The following DYRK1A variants were observed in gnomAD, a reference collection of about 807,000 sequenced individuals.
DYRK1A encodes dual specificity tyrosine phosphorylation regulated kinase 1A.
A neutral mutation model predicts 79.7 loss-of-function variants in DYRK1A; 9 were observed. The observed-to-expected ratio is 0.11, with a 90% CI of 0.07 to 0.20. The LOEUF is 0.20. Ranked by LOEUF, DYRK1A falls within the 10% of genes least tolerant of loss-of-function variation. DYRK1A has a pLI of 1.00. For synonymous variants in DYRK1A, 349 were observed against 329.7 expected, an observed-to-expected ratio of 1.06 and a Z score of -0.63; for missense variants, 622 against 956.0, an observed-to-expected ratio of 0.65 and a Z score of 4.61.
intron 2 of DYRK1A, chr21:37,428,732 T>TA (rs2050694558): frequency 6.6e-6 from 1 of 152,154 alleles, no homozygotes; most frequent in Admixed American, 6.5e-5. Context: ...TGGCTTAGTG[T>TA]AAGAAGATTC....
intron 8 of DYRK1A, among the ~76,000 whole-genome samples, chr21:37,493,584 C>G (rs1028819911): frequency 7.9e-5 from 12 of 152,146 alleles, no homozygotes; most frequent in African/African-American, 2.2e-4. Context: ...GTAGAGTAAA[C>G]GAGATTATAG....
intron 1 of DYRK1A, among the ~76,000 whole-genome samples, chr21:37,392,254 A>G (rs935026007): frequency 3.3e-5 from 5 of 152,214 alleles, no homozygotes; most frequent in Non-Finnish European, 5.9e-5. Context: ...TGACGTACTC[A>G]TCTCAGATGT....
intron 7 of DYRK1A, among the ~76,000 whole-genome samples, chr21:37,491,488 C>G (rs1569378437): frequency 6.6e-6 from 1 of 152,078 alleles, no homozygotes; most frequent in African/African-American, 2.4e-5. Context: ...AATTTTCTGT[C>G]CCGTCCTACT....
chr21:37,377,532 G>C (rs2049571133), intron 1 of DYRK1A, among the ~76,000 whole-genome samples: 1 of 152,136 alleles, frequency 6.6e-6, no homozygotes, highest in African/African-American at 2.4e-5. Context: ...GCAGTGGCAT[G>C]ATCATAGTTC....
At chr21:37,506,274 G>T in intron 11 of DYRK1A, 51 bp downstream of exon 11, 1 of 1,613,744 alleles carries the variant, frequency 6.2e-7, no homozygotes, top group South Asian at 1.1e-5. Context: ...TTCTCAGGTG[G>T]AGCAGCACTG....
At chr21:37,471,230 A>G (rs1049393662) in intron 2 of DYRK1A, among the ~76,000 whole-genome samples, 3 of 152,170 alleles carry the variant, frequency 2.0e-5, no homozygotes, top group African/African-American at 7.2e-5. Flanking sequence ...GTTGTGTTTG[A>G]GTATTCTGTT....
At chr21:37,381,321 G>A (rs2049654494) in intron 1 of DYRK1A, among the ~76,000 whole-genome samples, 1 of 152,180 alleles carries the variant, frequency 6.6e-6, no homozygotes, top group Non-Finnish European at 1.5e-5. Context: ...GTTCTATGTA[G>A]TCAGGAGAAA....
At chr21:37,511,356 A>G (rs938002560) in intron 11 of DYRK1A, among the ~76,000 whole-genome samples, 2 of 152,098 alleles carry the variant, frequency 1.3e-5, no homozygotes, top group African/African-American at 2.4e-5. Context: ...GGATGGAAAC[A>G]AGGAGTTCAT....
In DYRK1A at chr21:37,517,044, A is replaced by T. The variant is rs1266604703; in HGVS notation, c.*4513A>T. The T allele has an allele frequency of 6.6e-6, 1 of 152,174 alleles. No individual in the cohort carries two copies. The highest frequency in any genetic ancestry group is 1.5e-5 in the Non-Finnish European group (1 of 68,044). The allele number at this position is 152,174 out of a possible 1,614,324, so 9.4% of individuals were successfully genotyped here. A position where few individuals can be genotyped will look rare whatever the true frequency, so the allele number is the denominator to read the frequency against. ...TTCCATTTCAGTTGAATTTCCTGTC[A>T]TCCCCAGCAAAACCTGTGAATCCTT... On this transcript the variant is annotated 3_prime_UTR_variant, in exon 12 of 12. Coordinates refer to ENST00000647188, the MANE Select transcript of DYRK1A (RefSeq NM_001347721.2).
rs189181747 is a variant in DYRK1A, at chr21:37,434,460, C to G, written c.10+14076C>G. Among the ~76,000 whole-genome samples, 348 of 152,304 alleles carry G rather than the reference C, an allele frequency of 2.3e-3. 2 individuals carry two copies. The highest frequency in any genetic ancestry group is 7.7e-3 in the African/African-American group (322 of 41,584). On this transcript the variant is annotated intron_variant, in intron 2 of 11. Coordinates refer to ENST00000647188, the MANE Select transcript of DYRK1A (RefSeq NM_001347721.2). ...TATGTGAGATTAAAGAAACTCTCAA[C>G]CACTCAGAATTGTCAGAACACTGAT...
chr21:37,423,658 G>A (rs984448298), intron 2 of DYRK1A, among the ~76,000 whole-genome samples: 9 of 152,196 alleles, frequency 5.9e-5, no homozygotes, highest in African/African-American at 2.2e-4. Flanking sequence ...GGAAATAGAA[G>A]GGGCTGCCAT....
At position 37,505,359 on chromosome 21, in the gene DYRK1A, C is replaced by G; in HGVS notation, c.1289C>G (p.Ala430Gly). The G allele has an allele frequency of 1.2e-6, 2 of 1,614,094 alleles. No individual in the cohort carries two copies. The highest frequency in any genetic ancestry group is 1.7e-6 in the Non-Finnish European group (2 of 1,180,016). Residue 430 changes from alanine (A) to glycine (G), a missense_variant, in exon 10 of 12, where the codon GCT (alanine) becomes GGT (glycine). Around this residue, in one of 5 missense-constraint regions of DYRK1A, gnomAD observed 80 missense variants for 116.5 expected, o/e 0.69. Coordinates refer to ENST00000647188, the MANE Select transcript of DYRK1A (RefSeq NM_001347721.2). ...VETGGPGGRRAGESGHTVADY... is the reference protein window; with the variant it reads ...VETGGPGGRRGGESGHTVADY... ...ACAGGAGGACCTGGTGGGCGACGTG[C>G]TGGGGAGTCAGGTCATACGGTCGCT...
chr21:37,384,115 G>A (rs1170277488), intron 1 of DYRK1A, among the ~76,000 whole-genome samples: 5 of 152,144 alleles, frequency 3.3e-5, no homozygotes, highest in African/African-American at 1.2e-4. Flanking sequence ...GCAGGAAGGG[G>A]ATCCCAGATA....
At chr21:37,384,047 G>C (rs1213414012) in intron 1 of DYRK1A, among the ~76,000 whole-genome samples, 1 of 152,168 alleles carries the variant, frequency 6.6e-6, no homozygotes, top group Admixed American at 6.5e-5. Flanking sequence ...TGGGAACCAA[G>C]TGAGATGAGC....
chr21:37,496,632 A>T (rs949827127), intron 9 of DYRK1A, among the ~76,000 whole-genome samples: 1 of 152,120 alleles, frequency 6.6e-6, no homozygotes, highest in African/African-American at 2.4e-5. Flanking sequence ...CAGAAGTCAC[A>T]ATTGGAGTAA....
intron 2 of DYRK1A, among the ~76,000 whole-genome samples, chr21:37,471,471 C>G (rs558438265): frequency 4.6e-5 from 7 of 152,250 alleles, no homozygotes; most frequent in Non-Finnish European, 7.3e-5. Flanking sequence ...TGAGCCTTTA[C>G]TGCACATTGA....
At chr21:37,468,593 A>G (rs1480563413) in intron 2 of DYRK1A, among the ~76,000 whole-genome samples, 2 of 152,202 alleles carry the variant, frequency 1.3e-5, no homozygotes, top group Non-Finnish European at 2.9e-5. Flanking sequence ...TATGATAAGG[A>G]TGGGGTTACA....
chr21:37,487,376 A>G (rs756942981), intron 6 of DYRK1A: 1 of 152,180 alleles, frequency 6.6e-6, no homozygotes, highest in Non-Finnish European at 1.5e-5. Context: ...ACTGAAGTCT[A>G]GGGCCATTTG....
intron 1 of DYRK1A, among the ~76,000 whole-genome samples, chr21:37,371,318 C>T (rs2049424843): frequency 6.6e-6 from 1 of 151,992 alleles, no homozygotes; most frequent in Admixed American, 6.5e-5. Context: ...TGGCTACCAG[C>T]AGCCTTAGTT....
Sources: gnomAD v4.1 joint callset for allele counts (sites outside exome capture counted in the v4.1 genomes callset) on GRCh38, gnomAD v4.1.1 for gene constraint, gnomAD v4.1.1 regional missense constraint, MANE v1.5 for transcripts, NCBI Gene and HGNC (gene_info 2026-07-23, HGNC 2026-07-21) for gene names.